Variants in SLCO6A1 observed in about 807,000 individuals in gnomAD.
SLCO6A1 encodes cancer/testis antigen 48.
Under a neutral mutation model 72.7 loss-of-function variants are expected in SLCO6A1, and 65 were observed. The observed-to-expected ratio is 0.89, with a 90% CI of 0.73 to 1.10. SLCO6A1 has a LOEUF of 1.10. Among genes scored for constraint, SLCO6A1 ranks in the 50% least tolerant of loss-of-function variants. SLCO6A1 has a pLI of 0.00. For synonymous variants in SLCO6A1, 314 were observed against 298.2 expected, an observed-to-expected ratio of 1.05 and a Z score of -0.55; for missense variants, 874 against 872.6, an observed-to-expected ratio of 1.00 and a Z score of -0.02.
At chr5:102,386,496 G>A (rs1746425270) in intron 12 of SLCO6A1, among the ~76,000 whole-genome samples, 1 of 152,104 alleles carries the variant, frequency 6.6e-6, no homozygotes, top group East Asian at 1.9e-4. Flanking sequence ...GGAACCTAGG[G>A]CTATGGGGAC....
intron 12 of SLCO6A1, among the ~76,000 whole-genome samples, chr5:102,381,730 T>C (rs1264457209): frequency 9.4e-6 from 1 of 106,134 alleles, no homozygotes; most frequent in Non-Finnish European, 2.0e-5. Flanking sequence ...CCAATATTTA[T>C]CTTTTTTTTT....
chr5:102,408,607 C>T (rs537272831), intron 9 of SLCO6A1, among the ~76,000 whole-genome samples: 2 of 152,110 alleles, frequency 1.3e-5, no homozygotes, highest in African/African-American at 2.4e-5. Context: ...TGAGGAGTAG[C>T]GGGAATCACT....
intron 9 of SLCO6A1, among the ~76,000 whole-genome samples, chr5:102,403,822 A>G (rs1319309384): frequency 1.3e-5 from 2 of 152,216 alleles, no homozygotes; most frequent in African/African-American, 4.8e-5. Flanking sequence ...GATACTGCAA[A>G]TAATGGTGAA....
At chr5:102,430,660 G>C (rs1749166240) in intron 7 of SLCO6A1, among the ~76,000 whole-genome samples, 1 of 152,130 alleles carries the variant, frequency 6.6e-6, no homozygotes, top group Non-Finnish European at 1.5e-5. Flanking sequence ...ACTTGATCAT[G>C]GTGGATTAGC....
At chr5:102,418,149 A>C (rs997472592) in intron 8 of SLCO6A1, among the ~76,000 whole-genome samples, 1 of 151,860 alleles carries the variant, frequency 6.6e-6, no homozygotes, top group East Asian at 2.0e-4. Flanking sequence ...GTTTCTGATA[A>C]AAATATGCCA....
chr5:102,410,863 A>AT (rs1747936319), intron 9 of SLCO6A1, among the ~76,000 whole-genome samples: 1 of 152,196 alleles, frequency 6.6e-6, no homozygotes, highest in South Asian at 2.1e-4. Flanking sequence ...TAACAAAAGC[A>AT]TACAAGTTAG....
intron 8 of SLCO6A1, among the ~76,000 whole-genome samples, chr5:102,416,866 A>G (rs1748315375): frequency 6.6e-6 from 1 of 152,124 alleles, no homozygotes; most frequent in African/African-American, 2.4e-5. Context: ...GTCAATTAAG[A>G]CAGTTGGCAG....
chr5:102,372,588 C>T (rs971129908), intron 13 of SLCO6A1, among the ~76,000 whole-genome samples: 22 of 150,398 alleles, frequency 1.5e-4, no homozygotes, highest in Non-Finnish European at 2.8e-4. Flanking sequence ...TAAATAATTA[C>T]GATTAATTAT....
At chr5:102,441,583 T>A (rs1266095767) in intron 6 of SLCO6A1, among the ~76,000 whole-genome samples, 1 of 152,088 alleles carries the variant, frequency 6.6e-6, no homozygotes, top group Non-Finnish European at 1.5e-5. Context: ...TCTAAAAAAA[T>A]AAAATTTTTG....
chr5:102,495,709 A>C (rs1752879559), intron 1 of SLCO6A1, among the ~76,000 whole-genome samples: 1 of 152,190 alleles, frequency 6.6e-6, no homozygotes, highest in African/African-American at 2.4e-5. Context: ...CATACTTTGA[A>C]AAGTGAATTT....
At chr5:102,459,876 AGGGTT>A in intron 4 of SLCO6A1, 99 bp from the exon 5 acceptor site, 1 of 1,025,992 alleles carries the variant, frequency 9.7e-7, no homozygotes, top group Non-Finnish European at 1.4e-6. Flanking sequence ...TGAGAGAGGG[AGGGTT>A]GGAGAGTGAG....
At chr5:102,386,717 C>A (rs1353070154) in intron 12 of SLCO6A1, among the ~76,000 whole-genome samples, 1 of 152,138 alleles carries the variant, frequency 6.6e-6, no homozygotes, top group African/African-American at 2.4e-5. Flanking sequence ...TGGGTGCCAG[C>A]CTGAAGTGCA....
At chr5:102,404,095 C>A (rs1241992586) in intron 9 of SLCO6A1, among the ~76,000 whole-genome samples, 1 of 152,108 alleles carries the variant, frequency 6.6e-6, no homozygotes, top group African/African-American at 2.4e-5. Context: ...CTTAGATGTA[C>A]AATATCTATT....
intron 6 of SLCO6A1, among the ~76,000 whole-genome samples, chr5:102,451,587 A>G (rs1184775722): frequency 6.6e-6 from 1 of 152,094 alleles, no homozygotes; most frequent in Non-Finnish European, 1.5e-5. Context: ...GGTTGGGGGA[A>G]TCTCCTGTGC....
intron 12 of SLCO6A1, among the ~76,000 whole-genome samples, chr5:102,384,125 C>T (rs1382698868): frequency 6.6e-6 from 1 of 151,714 alleles, no homozygotes; most frequent in East Asian, 1.9e-4. Context: ...TAGCAAAAAT[C>T]CAACTCTTTA....
At chr5:102,441,197 T>G (rs901471913) in intron 6 of SLCO6A1, among the ~76,000 whole-genome samples, 1 of 152,204 alleles carries the variant, frequency 6.6e-6, no homozygotes, top group African/African-American at 2.4e-5. Context: ...ACAGAGGTAT[T>G]TCTTTCATTT....
chr5:102,423,316 G>C (rs938426801), intron 7 of SLCO6A1, among the ~76,000 whole-genome samples: 7 of 152,104 alleles, frequency 4.6e-5, no homozygotes, highest in African/African-American at 1.7e-4. Context: ...CCAATTAATA[G>C]ATACAGAATG....
intron 1 of SLCO6A1, among the ~76,000 whole-genome samples, chr5:102,485,963 CTGT>C (rs1752428316): frequency 6.6e-6 from 1 of 152,146 alleles, no homozygotes; most frequent in African/African-American, 2.4e-5. Flanking sequence ...AAAACAAGCA[CTGT>C]TAAATGAAGG....
At chr5:102,495,065 G>C (rs1285777705) in intron 1 of SLCO6A1, among the ~76,000 whole-genome samples, 1 of 152,044 alleles carries the variant, frequency 6.6e-6, no homozygotes, top group Non-Finnish European at 1.5e-5. Context: ...CAATAAAAAA[G>C]AGCAAACTGT....
Sources: allele counts gnomAD v4.1 joint callset (sites outside exome capture counted in the v4.1 genomes callset), GRCh38; gene constraint gnomAD v4.1.1; transcripts MANE v1.5; gene names NCBI Gene and HGNC (gene_info 2026-07-23, HGNC 2026-07-21).